The following SMARCA2 variants were observed in gnomAD, a reference collection of about 807,000 sequenced individuals.
SMARCA2 encodes SWI/SNF related BAF chromatin remodeling complex subunit ATPase 2.
In SMARCA2, 61 loss-of-function variants were observed where a neutral mutation model predicts 199.8. That is an observed-to-expected ratio of 0.31 (90% CI 0.25 to 0.38). The LOEUF (loss-of-function observed/expected upper bound fraction) is 0.38, where lower values mean the gene tolerates loss of function less well. Among genes scored for constraint, SMARCA2 ranks in the 10% least tolerant of loss-of-function variants. The pLI, the probability that SMARCA2 is intolerant of heterozygous loss-of-function variation, is 1.00. For synonymous variants in SMARCA2, 935 were observed against 732.0 expected (o/e 1.28, Z -4.48); for missense variants, 1,344 against 2,012.2 (o/e 0.67, Z 6.35).
chr9:2,097,569 A>T, intron 21 of SMARCA2, 98 bp downstream of exon 21: 1 of 712,980 alleles, frequency 1.4e-6, no homozygotes, highest in Non-Finnish European at 2.4e-6. Flanking sequence ...ACCAAAATAG[A>T]TTTAAAACAT....
At position 2,170,282 on chromosome 9, in the gene SMARCA2, C is replaced by T. The variant is rs887985151; in HGVS notation, c.4200-137C>T. On this transcript the variant is annotated intron_variant, in intron 28 of 33. Coordinates refer to ENST00000349721, the MANE Select transcript of SMARCA2 (RefSeq NM_003070.5). The surrounding 1 kb of genome is among the most constrained non-coding windows in gnomAD (Gnocchi z 4.7). ...TTCCGAATGAGGTTCCAAACATAAC[C>T]CCGTGTAATCTTCCTAACAAGGCAG... 1.9e-5 allele frequency: 19 copies of T among 1,018,584 alleles called. No individual in the cohort carries two copies. The highest frequency in any genetic ancestry group is 3.0e-4 in the Middle Eastern group (1 of 3,372). The allele number at this position is 1,018,584 out of a possible 1,614,324, so 63.1% of individuals were successfully genotyped here.
At chr9:2,185,810 A>AAAT (rs1827400701) in intron 31 of SMARCA2, among the ~76,000 whole-genome samples, 1 of 152,210 alleles carries the variant, frequency 6.6e-6, no homozygotes. Flanking sequence ...TAGTTTTAAA[A>AAAT]AATACCATTT....
intron 32 of SMARCA2, among the ~76,000 whole-genome samples, chr9:2,187,523 A>G (rs1160007309): frequency 1.3e-5 from 2 of 152,124 alleles, no homozygotes; most frequent in Non-Finnish European, 2.9e-5. Context: ...ATGTTTGTAA[A>G]AAGAAATAGC....
intron 9 of SMARCA2, among the ~76,000 whole-genome samples, chr9:2,067,456 T>G (rs933636826): frequency 6.6e-6 from 1 of 152,184 alleles, no homozygotes; most frequent in Non-Finnish European, 1.5e-5. Flanking sequence ...ATTATAGACA[T>G]AAAAGAATAG....
At chr9:2,158,160 CA>C (rs532618380) in intron 27 of SMARCA2, 19,787 of 87,278 alleles carry the variant, frequency 0.23, 1,352 homozygotes, top group Non-Finnish European at 0.32. Context: ...GAAAGAGGGC[CA>C]AAAAAAAAAA....
intron 2 of SMARCA2, among the ~76,000 whole-genome samples, chr9:2,031,641 T>C (rs1819075407): frequency 6.6e-6 from 1 of 152,178 alleles, no homozygotes; most frequent in African/African-American, 2.4e-5. Context: ...TCTCATATTC[T>C]CTCTACCCTC....
At chr9:2,064,309 C>G (rs1820732360) in intron 9 of SMARCA2, among the ~76,000 whole-genome samples, 1 of 152,160 alleles carries the variant, frequency 6.6e-6, no homozygotes, top group South Asian at 2.1e-4. Context: ...GTTAAAAGAT[C>G]TATTACCATA....
rs1825679899 is a variant in SMARCA2 at position 2,161,610 on chromosome 9, T to C, written c.3982-76T>C. On this transcript the variant is annotated intron_variant, in intron 27 of 33. Transcript: ENST00000349721. The surrounding 1 kb of genome is among the most constrained non-coding windows in gnomAD (Gnocchi z 4.7). ...TTTTATTCTAATTGTTGGAGCTATATATAAATATACACATACTTTTTTTGT... is the reference window on the plus strand; with the variant it reads ...TTTTATTCTAATTGTTGGAGCTATACATAAATATACACATACTTTTTTTGT... 1.8e-5 allele frequency: 17 copies of C among 961,456 alleles called. No homozygotes were observed. The highest frequency in any genetic ancestry group is 2.5e-4 in the Middle Eastern group (1 of 4,056). The allele number at this position is 961,456 out of a possible 1,614,324, so 59.6% of individuals were successfully genotyped here.
At chr9:2,069,279 A>G (rs918875761) in intron 9 of SMARCA2, among the ~76,000 whole-genome samples, 8 of 151,836 alleles carry the variant, frequency 5.3e-5, no homozygotes, top group Admixed American at 5.2e-4. Context: ...TTAATGGACT[A>G]AGATATTGGG....
At chr9:2,162,310 A>G (rs1825723199) in intron 28 of SMARCA2, among the ~76,000 whole-genome samples, 1 of 152,160 alleles carries the variant, frequency 6.6e-6, no homozygotes, top group African/African-American at 2.4e-5. Context: ...TCATGTTAAG[A>G]CTGTTTAAAG....
In SMARCA2 at chr9:2,051,377, G is replaced by A. The variant is rs1820109752; in HGVS notation, c.1047-3220G>A. ...CTCCTTGGAGAAGGAGTCATTTCAGGGAGAGGTGCACCCCCCTCGCTCCCA... is the reference window on the plus strand; with the variant it reads ...CTCCTTGGAGAAGGAGTCATTTCAGAGAGAGGTGCACCCCCCTCGCTCCCA... On this transcript the variant is annotated intron_variant, in intron 5 of 33. Coordinates refer to ENST00000349721, the MANE Select transcript of SMARCA2 (RefSeq NM_003070.5). 2.0e-5 allele frequency among the ~76,000 whole-genome samples: 3 copies of A among 152,104 alleles called. No homozygotes were observed. The East Asian group carries it at 5.8e-4, about 29-fold the overall frequency.
chr9:2,186,263 C>T (rs774777146), intron 32 of SMARCA2, 35 bp downstream of exon 32: 4 of 1,590,100 alleles, frequency 2.5e-6, no homozygotes, highest in Admixed American at 3.6e-5. Flanking sequence ...TACATCTTTG[C>T]CCCTCCTCAC....
At chr9:2,050,463 C>G (rs1225498491) in intron 5 of SMARCA2, among the ~76,000 whole-genome samples, 2 of 152,180 alleles carry the variant, frequency 1.3e-5, no homozygotes, top group East Asian at 3.9e-4. Flanking sequence ...ACTAATTCCA[C>G]ACATGTTTGC....
intron 29 of SMARCA2, chr9:2,181,350 G>C: frequency 2.4e-6 from 1 of 420,924 alleles, no homozygotes; most frequent in South Asian, 2.6e-5. Flanking sequence ...TTGTATGTGT[G>C]ACAGAAGTGG....
chr9:2,182,102 C>T (rs1253057119), intron 30 of SMARCA2, 39 bp from the exon 31 acceptor site: 4 of 1,278,416 alleles, frequency 3.1e-6, no homozygotes, highest in Non-Finnish European at 4.6e-6. Context: ...ATTTTCCTCT[C>T]CCTCTTTTTT....
intron 27 of SMARCA2, among the ~76,000 whole-genome samples, chr9:2,144,824 G>C (rs1824646483): frequency 6.6e-6 from 1 of 152,200 alleles, no homozygotes; most frequent in South Asian, 2.1e-4. Context: ...CTCACCTGTT[G>C]CTGATCACAA....
At chr9:2,155,117 A>G (rs1298271441) in intron 27 of SMARCA2, among the ~76,000 whole-genome samples, 1 of 152,222 alleles carries the variant, frequency 6.6e-6, no homozygotes, top group Non-Finnish European at 1.5e-5. Flanking sequence ...CTTCACATTT[A>G]TAATTTGGTA....
chr9:2,169,385 T>G lies in SMARCA2; in HGVS notation c.4200-1034T>G, dbSNP rs79341239. 1.3e-5 allele frequency among the ~76,000 whole-genome samples: 2 copies of G among 152,178 alleles called. No individual in the cohort carries two copies. Among genetic ancestry groups the G allele is most frequent in the East Asian group, 1.9e-4 (1 of 5,208 alleles). On this transcript the variant is annotated intron_variant, in intron 28 of 33. Transcript: ENST00000349721. This position sits in a 1 kb window ranked among gnomAD's most constrained non-coding sequence, Gnocchi z 6.5. ...ACTTCTTAGCGTAGGAGAATTGTTATCTTCCACAGTCTGAACCTTCGGATC... is the reference window on the plus strand; with the variant it reads ...ACTTCTTAGCGTAGGAGAATTGTTAGCTTCCACAGTCTGAACCTTCGGATC...
At position 2,056,483 on chromosome 9, in the gene SMARCA2, GT is replaced by G. The variant is rs1449542185; in HGVS notation, c.1174-187del. 2.0e-5 allele frequency among the ~76,000 whole-genome samples: 3 copies of G among 152,126 alleles called. No individual in the cohort carries two copies. Among genetic ancestry groups the G allele is most frequent in the Non-Finnish European group, 4.4e-5 (3 of 68,016 alleles). On this transcript the variant is annotated intron_variant, in intron 6 of 33. Transcript: ENST00000349721. This position sits in a 1 kb window ranked among gnomAD's most constrained non-coding sequence, Gnocchi z 4.0. ...TATTTGGGGAGAAAAATCTTGTACC[GT>G]TCTTGAAAATATTGCATACATTTGG...
Sources: gnomAD v4.1 joint callset for allele counts (sites outside exome capture counted in the v4.1 genomes callset) on GRCh38, gnomAD v4.1.1 for gene constraint, Gnocchi (gnomAD v3.1) non-coding constraint, MANE v1.5 for transcripts, NCBI Gene and HGNC (gene_info 2026-07-23, HGNC 2026-07-21) for gene names.